The following CTNNAL1 variants were observed in gnomAD, a reference collection of about 807,000 sequenced individuals.
CTNNAL1 encodes the protein alpha-catulin.
Under a neutral mutation model 93.6 loss-of-function variants are expected in CTNNAL1, and 69 were observed. The observed-to-expected ratio is 0.74, with a 90% CI of 0.61 to 0.90. The LOEUF is 0.90. Among genes scored for constraint, CTNNAL1 ranks in the 40% least tolerant of loss-of-function variants. The probability of loss-of-function intolerance (pLI) is 0.00; values close to 1 mark genes in which losing one functional copy is unlikely to be tolerated. For missense variants in CTNNAL1, 836 were observed against 862.0 expected (o/e 0.97, Z 0.38); for synonymous variants, 286 against 305.4 (o/e 0.94, Z 0.66).
At chr9:109,011,918 C>T (rs938292870) in intron 1 of CTNNAL1, among the ~76,000 whole-genome samples, 2 of 152,196 alleles carry the variant, frequency 1.3e-5, no homozygotes, top group Admixed American at 6.5e-5. Context: ...ACTTGAACTC[C>T]ATCACTCTCT....
At chr9:108,952,672 G>C (rs988425031) in intron 12 of CTNNAL1, among the ~76,000 whole-genome samples, 178 bp from the exon 13 acceptor site, 5 of 152,126 alleles carry the variant, frequency 3.3e-5, no homozygotes, top group African/African-American at 1.2e-4. Context: ...GTTCAGCTTT[G>C]AATAGGTTGT....
Position 108,979,311 on chromosome 9 carries a change from C to T in CTNNAL1, c.1071G>A (p.Leu357=). Residue 357 remains leucine, a synonymous_variant, in exon 7 of 19, where the codon CTG becomes CTA. Transcript: ENST00000325551. ...GAATCCACACAGAAATTAACTGCTGCAGTTCCATTCTCGCCTGAGTTGACA... is the reference window on the plus strand; with the variant it reads ...GAATCCACACAGAAATTAACTGCTGTAGTTCCATTCTCGCCTGAGTTGACA... ...LELSTQARME[L]QQLISVWIQA... is the part of the protein sequence containing the mutation. 1 of 1,614,138 alleles carries T rather than the reference C, an allele frequency of 6.2e-7. No individual in the cohort carries two copies. Among genetic ancestry groups the T allele is most frequent in the Non-Finnish European group, 8.5e-7 (1 of 1,180,002 alleles).
At chr9:108,955,855 AT>A (rs1564124549) in intron 11 of CTNNAL1, 28 bp from the exon 12 acceptor site, 2 of 1,447,264 alleles carry the variant, frequency 1.4e-6, no homozygotes. Context: ...AACTTAAAAA[AT>A]TTTTTCTATT....
chr9:109,006,986 A>T (rs1198495929), intron 1 of CTNNAL1, among the ~76,000 whole-genome samples: 1 of 152,216 alleles, frequency 6.6e-6, no homozygotes, highest in African/African-American at 2.4e-5. Context: ...TGGGAGGCCA[A>T]GGCTGGTGGA....
chr9:108,957,840 G>A (rs1370544809), intron 11 of CTNNAL1, among the ~76,000 whole-genome samples: 8 of 151,924 alleles, frequency 5.3e-5, no homozygotes, highest in African/African-American at 9.7e-5. Context: ...GTAGGAACCC[G>A]GGCATGGTGG....
At chr9:108,948,090 C>G in intron 15 of CTNNAL1, 96 bp downstream of exon 15, 1 of 1,338,968 alleles carries the variant, frequency 7.5e-7, no homozygotes, top group Non-Finnish European at 1.1e-6. Context: ...CAGATGTAAG[C>G]ATATACACAT....
chr9:108,994,664 C>G, intron 2 of CTNNAL1, among the ~76,000 whole-genome samples: 1 of 152,172 alleles, frequency 6.6e-6, no homozygotes. Flanking sequence ...TGGTAGCCAG[C>G]CTTCAAGATC....
intron 4 of CTNNAL1, among the ~76,000 whole-genome samples, chr9:108,985,812 C>T (rs1831587968): frequency 6.6e-6 from 1 of 152,176 alleles, no homozygotes; most frequent in South Asian, 2.1e-4. Context: ...CCATACCTGA[C>T]ACTTACAAGC....
At chr9:109,005,163 C>G (rs1425054653) in intron 1 of CTNNAL1, among the ~76,000 whole-genome samples, 1 of 151,980 alleles carries the variant, frequency 6.6e-6, no homozygotes, top group Non-Finnish European at 1.5e-5. Flanking sequence ...TGGAGAATGA[C>G]TGTGGGCCAT....
intron 8 of CTNNAL1, 31 bp from the exon 9 acceptor site, chr9:108,972,864 G>GGGGGGGCC: frequency 7.7e-5 from 11 of 142,480 alleles, no homozygotes; most frequent in Non-Finnish European, 1.1e-4. Context: ...GGGGGGGTGG[G>GGGGGGGCC]AGGGTGGAGA....
chr9:108,974,093 G>A (rs1831193110), intron 8 of CTNNAL1, among the ~76,000 whole-genome samples: 1 of 152,180 alleles, frequency 6.6e-6, no homozygotes, highest in South Asian at 2.1e-4. Context: ...CTTGTCACGT[G>A]TAAGAGAGGG....
chr9:108,996,384 T>C (rs1165357424), intron 2 of CTNNAL1, among the ~76,000 whole-genome samples: 1 of 152,100 alleles, frequency 6.6e-6, no homozygotes, highest in Non-Finnish European at 1.5e-5. Context: ...TTTAATGAAG[T>C]CTTAAATTTG....
intron 1 of CTNNAL1, among the ~76,000 whole-genome samples, chr9:109,000,320 A>C (rs1022301339): frequency 1.3e-5 from 2 of 152,236 alleles, no homozygotes; most frequent in Non-Finnish European, 2.9e-5. Flanking sequence ...TTAGGTTTAC[A>C]GTATGGTAGA....
intron 2 of CTNNAL1, among the ~76,000 whole-genome samples, chr9:108,998,542 G>A (rs1832108250): frequency 6.6e-6 from 1 of 152,014 alleles, no homozygotes. Flanking sequence ...AGAATGCCTG[G>A]TATATCACCA....
intron 2 of CTNNAL1, among the ~76,000 whole-genome samples, chr9:108,994,449 T>C (rs939869794): frequency 6.6e-6 from 1 of 152,052 alleles, no homozygotes; most frequent in African/African-American, 2.4e-5. Flanking sequence ...AGTAAAAAAA[T>C]GGCCTCAAAG....
intron 11 of CTNNAL1, among the ~76,000 whole-genome samples, chr9:108,963,113 A>G (rs1177822181): frequency 6.6e-6 from 1 of 152,214 alleles, no homozygotes; most frequent in African/African-American, 2.4e-5. Context: ...CAAGCTTATC[A>G]ACCTCTAATT....
intron 1 of CTNNAL1, among the ~76,000 whole-genome samples, chr9:109,007,966 T>C (rs984075386): frequency 1.3e-5 from 2 of 152,116 alleles, no homozygotes; most frequent in African/African-American, 4.8e-5. Context: ...TCACTCAACA[T>C]TATGTTTTTG....
At chr9:108,949,739 G>T (rs1383825407) in intron 14 of CTNNAL1, among the ~76,000 whole-genome samples, 2 of 152,178 alleles carry the variant, frequency 1.3e-5, no homozygotes, top group East Asian at 1.9e-4. Context: ...AGCTACTTGG[G>T]AGGCTGAGGC....
At chr9:108,998,723 T>C (rs1409098505) in intron 2 of CTNNAL1, among the ~76,000 whole-genome samples, 1 of 152,218 alleles carries the variant, frequency 6.6e-6, no homozygotes, top group African/African-American at 2.4e-5. Flanking sequence ...AGAATACTAA[T>C]GGATACTAAT....
Sources: gnomAD v4.1 joint callset for allele counts (sites outside exome capture counted in the v4.1 genomes callset) on GRCh38, gnomAD v4.1.1 for gene constraint, MANE v1.5 for transcripts, NCBI Gene and HGNC (gene_info 2026-07-23, HGNC 2026-07-21) for gene names.